KCNK2: variants seen among roughly 807,000 people sequenced by gnomAD.
KCNK2 encodes the protein potassium two pore domain channel subfamily K member 2.
In KCNK2, 21 loss-of-function variants were observed where a neutral mutation model predicts 40.5. That is an observed-to-expected ratio of 0.52 (90% CI 0.37 to 0.75). The LOEUF (loss-of-function observed/expected upper bound fraction) is 0.75. Ranked by LOEUF, KCNK2 falls within the 30% of genes least tolerant of loss-of-function variation. KCNK2 has a pLI of 0.00. For synonymous variants in KCNK2, 191 were observed against 202.2 expected, an observed-to-expected ratio of 0.94 and a Z score of 0.47; for missense variants, 399 against 531.6, an observed-to-expected ratio of 0.75 and a Z score of 2.45.
chr1:215,071,535 A>G (rs1658757414), intron 1 of KCNK2, among the ~76,000 whole-genome samples: 1 of 152,180 alleles, frequency 6.6e-6, no homozygotes, highest in Non-Finnish European at 1.5e-5. Flanking sequence ...CCCCATCTGA[A>G]GCATCTAGTA....
At chr1:215,189,825 A>G (rs1571711031) in intron 5 of KCNK2, among the ~76,000 whole-genome samples, 1 of 152,190 alleles carries the variant, frequency 6.6e-6, no homozygotes, top group African/African-American at 2.4e-5. Flanking sequence ...TAAAACAGAA[A>G]TTAAGATTTT....
chr1:215,053,315 A>G (rs2102501071), intron 1 of KCNK2, among the ~76,000 whole-genome samples: 1 of 152,248 alleles, frequency 6.6e-6, no homozygotes, highest in South Asian at 2.1e-4. Context: ...TTCCCTAGGT[A>G]TTCTGGGTGG....
chr1:215,160,794 G>C (rs1209885252), intron 3 of KCNK2, among the ~76,000 whole-genome samples: 1 of 151,964 alleles, frequency 6.6e-6, no homozygotes, highest in Non-Finnish European at 1.5e-5. Context: ...CATTCCTCCT[G>C]GTTGTTTTAT....
intron 1 of KCNK2, among the ~76,000 whole-genome samples, chr1:215,077,443 A>T (rs1239517581): frequency 6.6e-6 from 1 of 152,042 alleles, no homozygotes; most frequent in Non-Finnish European, 1.5e-5. Flanking sequence ...TCACTATGAA[A>T]CCCTCACCTG....
intron 6 of KCNK2, among the ~76,000 whole-genome samples, chr1:215,227,206 G>C (rs1298655892): frequency 6.6e-6 from 1 of 152,208 alleles, no homozygotes; most frequent in Non-Finnish European, 1.5e-5. Context: ...AGAGCAATCA[G>C]ACTAGTAATT....
chr1:215,026,557 C>A (rs1172230104), intron 1 of KCNK2, among the ~76,000 whole-genome samples: 1 of 151,836 alleles, frequency 6.6e-6, no homozygotes, highest in Admixed American at 6.6e-5. Context: ...ATATCCAATT[C>A]TAATGTATAC....
chr1:215,153,938 T>G (rs1662797218), intron 3 of KCNK2, among the ~76,000 whole-genome samples: 1 of 152,230 alleles, frequency 6.6e-6, no homozygotes, highest in Admixed American at 6.5e-5. Flanking sequence ...TCCTTTTTAA[T>G]GGCTGCATAG....
chr1:215,217,199 A>G (rs1408667498), intron 6 of KCNK2, among the ~76,000 whole-genome samples: 2 of 152,170 alleles, frequency 1.3e-5, no homozygotes, highest in Admixed American at 6.5e-5. Flanking sequence ...TGGATTGTCA[A>G]TTATTTCAGA....
intron 6 of KCNK2, among the ~76,000 whole-genome samples, chr1:215,209,842 T>C (rs368775973): frequency 3.4e-5 from 1 of 29,312 alleles, no homozygotes; most frequent in South Asian, 5.9e-4. Flanking sequence ...AAATATATAT[T>C]ATATAACATA....
At chr1:215,173,238 C>T (rs769934837) in intron 5 of KCNK2, among the ~76,000 whole-genome samples, 15 of 151,984 alleles carry the variant, frequency 9.9e-5, no homozygotes, top group South Asian at 2.1e-4. Context: ...TTTGTCCTTG[C>T]GATAGTTTGC....
intron 3 of KCNK2, among the ~76,000 whole-genome samples, chr1:215,140,681 T>C (rs1662134970): frequency 1.3e-5 from 2 of 151,948 alleles, no homozygotes; most frequent in South Asian, 2.1e-4. Flanking sequence ...AAATGAGTCT[T>C]GTGGGACTGG....
intron 6 of KCNK2, among the ~76,000 whole-genome samples, chr1:215,222,421 C>T (rs1666218822): frequency 6.6e-6 from 1 of 152,128 alleles, no homozygotes; most frequent in African/African-American, 2.4e-5. Context: ...AGCCACACCT[C>T]ATCATTAAGA....
chr1:215,019,383 A>G (rs1410903738), intron 1 of KCNK2, among the ~76,000 whole-genome samples: 1 of 152,206 alleles, frequency 6.6e-6, no homozygotes, highest in African/African-American at 2.4e-5. Context: ...TGTATGTAAA[A>G]AGGAGTTATT....
intron 5 of KCNK2, among the ~76,000 whole-genome samples, chr1:215,177,626 C>T (rs781627820): frequency 6.6e-6 from 1 of 150,614 alleles, no homozygotes; most frequent in Admixed American, 6.6e-5. Flanking sequence ...TTCCTCACTA[C>T]TAATTTTTAT....
At chr1:215,143,324 C>G (rs1459082222) in intron 3 of KCNK2, among the ~76,000 whole-genome samples, 2 of 152,044 alleles carry the variant, frequency 1.3e-5, no homozygotes, top group Non-Finnish European at 2.9e-5. Flanking sequence ...CACAGATTTG[C>G]CTTTGTACAC....
At chr1:215,145,019 A>C (rs979736402) in intron 3 of KCNK2, among the ~76,000 whole-genome samples, 1 of 152,184 alleles carries the variant, frequency 6.6e-6, no homozygotes, top group Non-Finnish European at 1.5e-5. Context: ...CGTATTCTGC[A>C]AAGTGAAGAG....
At position 215,156,057 on chromosome 1, in the gene KCNK2, TAG is replaced by T. The variant is rs1469349768; in HGVS notation, c.476-13141_476-13140del. 7.9e-5 allele frequency among the ~76,000 whole-genome samples: 10 copies of T among 126,520 alleles called. No individual in the cohort carries two copies. The East Asian group carries it at 1.2e-3, about 15-fold the overall frequency. The allele number at this position is 126,520 out of a possible 152,430, so 83.0% of individuals were successfully genotyped here. A position where few individuals can be genotyped will look rare whatever the true frequency, so the allele number is the denominator to read the frequency against. On this transcript the variant is annotated intron_variant, in intron 3 of 6. Transcript: ENST00000444842. ...TATATATTTGTAGATATATTATAGG[TAG>T]TCTGTGTGTGTGTGTGTGTGTGTAT...
At chr1:215,171,558 A>G (rs1663711137) in intron 4 of KCNK2, among the ~76,000 whole-genome samples, 1 of 152,106 alleles carries the variant, frequency 6.6e-6, no homozygotes, top group Non-Finnish European at 1.5e-5. Flanking sequence ...CAGTGTCTCC[A>G]TTTTCATATG....
intron 2 of KCNK2, among the ~76,000 whole-genome samples, chr1:215,122,686 C>T (rs1214249012): frequency 6.6e-6 from 1 of 151,504 alleles, no homozygotes; most frequent in Non-Finnish European, 1.5e-5. Context: ...ATGGAAACAA[C>T]CTTCTAAGAT....
Sources: gnomAD v4.1 joint callset for allele counts (sites outside exome capture counted in the v4.1 genomes callset) on GRCh38, gnomAD v4.1.1 for gene constraint, MANE v1.5 for transcripts, NCBI Gene and HGNC (gene_info 2026-07-23, HGNC 2026-07-21) for gene names.